The following EYS variants were observed in gnomAD, a reference collection of about 807,000 sequenced individuals.
EYS encodes the protein EGF-like photoreceptor maintenance factor.
A neutral mutation model predicts 282.1 loss-of-function variants in EYS; 250 were observed. The ratio of observed to expected loss-of-function variants is 0.89; its 90% confidence interval spans 0.80 to 0.98. EYS has a LOEUF of 0.98. Ranked by LOEUF, EYS falls within the 50% of genes least tolerant of loss-of-function variation. EYS has a pLI of 0.00. For missense variants in EYS, 4,016 were observed against 3,709.0 expected, an observed-to-expected ratio of 1.08 and a Z score of -2.15; for synonymous variants, 1,355 against 1,282.9, an observed-to-expected ratio of 1.06 and a Z score of -1.20.
chr6:65,383,445 A>C (rs1765689462), intron 8 of EYS, among the ~76,000 whole-genome samples: 1 of 151,854 alleles, frequency 6.6e-6, no homozygotes, highest in African/African-American at 2.4e-5. Flanking sequence ...TGCCATATTT[A>C]ACTTCTTAGT....
chr6:64,409,612 C>T (rs927760593), intron 28 of EYS, among the ~76,000 whole-genome samples: 1 of 152,166 alleles, frequency 6.6e-6, no homozygotes, highest in East Asian at 1.9e-4. Flanking sequence ...GAACTAACTT[C>T]ACCAATTTTA....
intron 19 of EYS, among the ~76,000 whole-genome samples, chr6:64,850,583 A>G (rs1270730863): frequency 7.2e-5 from 11 of 152,078 alleles, no homozygotes; most frequent in Admixed American, 7.2e-4. Context: ...AGAAGACTGA[A>G]AATTATTCAA....
chr6:64,497,682 T>C (rs992669752), intron 26 of EYS, among the ~76,000 whole-genome samples: 4 of 152,000 alleles, frequency 2.6e-5, no homozygotes, highest in Non-Finnish European at 5.9e-5. Flanking sequence ...GGCAAACCAG[T>C]TCGGAAGGTA....
intron 2 of EYS, among the ~76,000 whole-genome samples, chr6:65,506,631 C>G (rs1166377185): frequency 1.4e-5 from 2 of 146,434 alleles, no homozygotes. Context: ...GCACATGTCA[C>G]CAGACCAGAC....
chr6:65,487,995 G>A (rs559154967), intron 5 of EYS, among the ~76,000 whole-genome samples: 32 of 152,200 alleles, frequency 2.1e-4, no homozygotes, highest in African/African-American at 7.2e-4. Context: ...ATGGTAGTTT[G>A]TATTTCTGTG....
chr6:64,238,365 C>T (rs563503625), intron 30 of EYS, among the ~76,000 whole-genome samples: 12 of 152,272 alleles, frequency 7.9e-5, no homozygotes, highest in Admixed American at 6.5e-4. Flanking sequence ...TTTACTTTCT[C>T]ATGCCAGAGT....
chr6:64,286,045 G>C (rs1768487929), intron 30 of EYS, among the ~76,000 whole-genome samples: 1 of 152,132 alleles, frequency 6.6e-6, no homozygotes, highest in Non-Finnish European at 1.5e-5. Context: ...TGTTATATTA[G>C]CAAGAAATAA....
chr6:64,821,476 T>A (rs1215870923), intron 21 of EYS, among the ~76,000 whole-genome samples, 169 bp downstream of exon 21: 2 of 151,972 alleles, frequency 1.3e-5, no homozygotes, highest in Non-Finnish European at 2.9e-5. Context: ...AAGCCATGAT[T>A]TGTAGTTTTG....
At chr6:65,458,749 C>T (rs977908577) in intron 5 of EYS, among the ~76,000 whole-genome samples, 1 of 152,086 alleles carries the variant, frequency 6.6e-6, no homozygotes, top group African/African-American at 2.4e-5. Context: ...CTACAAAGCA[C>T]ATACACACTT....
rs964523591 is a variant in EYS, at chr6:64,192,006, T to G, written c.6424+38586A>C. On this transcript the variant is annotated intron_variant, in intron 31 of 42. Coordinates refer to ENST00000503581, the MANE Select transcript of EYS (RefSeq NM_001142800.2). ...CCAGCACCTGTTGTTTCCTGACTTT[T>G]TAATGATTGCCATTCTAACTGGTGT... Among the ~76,000 whole-genome samples the G allele has an allele frequency of 1.2e-3, 180 of 145,210 alleles. 3 individuals carry two copies. Among genetic ancestry groups the G allele is most frequent in the Non-Finnish European group, 1.4e-3 (92 of 65,866 alleles).
At chr6:65,565,942 C>G (rs1216963562) in intron 2 of EYS, among the ~76,000 whole-genome samples, 2 of 151,794 alleles carry the variant, frequency 1.3e-5, no homozygotes, top group East Asian at 3.9e-4. Context: ...ACACCAGGGC[C>G]TGTTGTGGGG....
intron 13 of EYS, among the ~76,000 whole-genome samples, chr6:65,008,901 G>A (rs1771776111): frequency 6.6e-6 from 1 of 152,086 alleles, no homozygotes; most frequent in African/African-American, 2.4e-5. Flanking sequence ...GTCACTATCC[G>A]AGGGGGTCCT....
chr6:65,436,442 G>A lies in EYS; in HGVS notation c.863-31075C>T, dbSNP rs557271194. On this transcript the variant is annotated intron_variant, in intron 5 of 42. Transcript: ENST00000503581. ...AGCCATATGAAAGGACTCGGCCAGA[G>A]CAATGTGACAAGAAGAAAAAAGAAG... Among the ~76,000 whole-genome samples the A allele has an allele frequency of 7.9e-5, 12 of 152,122 alleles. No individual in the cohort carries two copies. The South Asian group carries it at 1.0e-3, about 13-fold the overall frequency.
At chr6:64,498,624 TC>T (rs1239380932) in intron 26 of EYS, among the ~76,000 whole-genome samples, 1 of 151,688 alleles carries the variant, frequency 6.6e-6, no homozygotes, top group Admixed American at 6.6e-5. Context: ...CCCTCCCCTT[TC>T]CCCCCACCCA....
intron 11 of EYS, among the ~76,000 whole-genome samples, chr6:65,326,847 G>A (rs1562098013): frequency 6.6e-6 from 1 of 151,212 alleles, no homozygotes; most frequent in Non-Finnish European, 1.5e-5. Context: ...TTTTCTAAAC[G>A]ACATTTATTT....
chr6:65,647,668 G>C (rs1473663445), intron 1 of EYS, among the ~76,000 whole-genome samples: 1 of 152,120 alleles, frequency 6.6e-6, no homozygotes, highest in Non-Finnish European at 1.5e-5. Flanking sequence ...ATTGTAAATA[G>C]ATGGGAGTTA....
chr6:63,879,608 T>C (rs57891105), intron 35 of EYS, among the ~76,000 whole-genome samples: 17,863 of 152,232 alleles, frequency 0.12, 1,282 homozygotes, highest in African/African-American at 0.19. Context: ...CTCTTTCTCT[T>C]ATAAATGCAA....
chr6:65,370,281 A>T (rs1299924852), intron 8 of EYS, among the ~76,000 whole-genome samples: 4 of 110,064 alleles, frequency 3.6e-5, no homozygotes, highest in African/African-American at 7.3e-5. Context: ...TTGAAACAGG[A>T]TCTTACTCTA....
intron 30 of EYS, among the ~76,000 whole-genome samples, chr6:64,236,163 CG>C (rs747371303): frequency 3.4e-4 from 51 of 152,234 alleles, no homozygotes; most frequent in Middle Eastern, 3.4e-3. Flanking sequence ...TTAATAGAGA[CG>C]GGGTTTCACC....
Sources: allele counts gnomAD v4.1 joint callset (sites outside exome capture counted in the v4.1 genomes callset), GRCh38; gene constraint gnomAD v4.1.1; transcripts MANE v1.5; gene names NCBI Gene and HGNC (gene_info 2026-07-23, HGNC 2026-07-21).